The following TAFA2 variants were observed in gnomAD, a reference collection of about 807,000 sequenced individuals.
TAFA2 encodes TAFA chemokine like family member 2.
In TAFA2, 7 loss-of-function variants were observed where a neutral mutation model predicts 18.8. The ratio of observed to expected loss-of-function variants is 0.37; its 90% confidence interval spans 0.21 to 0.70. TAFA2 has a LOEUF of 0.70. TAFA2 is among the 30% of genes least tolerant of loss of function. TAFA2 has a pLI of 0.53. For synonymous variants in TAFA2, 60 were observed against 54.2 expected, an observed-to-expected ratio of 1.11 and a Z score of -0.47; for missense variants, 122 against 158.1, an observed-to-expected ratio of 0.77 and a Z score of 1.23.
chr12:61,765,869 C>T (rs750131599), intron 2 of TAFA2, among the ~76,000 whole-genome samples: 1 of 151,992 alleles, frequency 6.6e-6, no homozygotes, highest in Non-Finnish European at 1.5e-5. Context: ...GATGAGAAAA[C>T]ATAATCCTAA....
At chr12:62,145,418 G>A (rs2136912611) in intron 1 of TAFA2, among the ~76,000 whole-genome samples, 1 of 152,304 alleles carries the variant, frequency 6.6e-6, no homozygotes, top group East Asian at 1.9e-4. Flanking sequence ...GATGATGTGA[G>A]GTGGAAGAGT....
intron 2 of TAFA2, among the ~76,000 whole-genome samples, chr12:61,856,485 G>C (rs988662936): frequency 6.6e-6 from 1 of 152,032 alleles, no homozygotes; most frequent in African/African-American, 2.4e-5. Context: ...ATAAATCTCA[G>C]TGTTGGTAAG....
intron 1 of TAFA2, among the ~76,000 whole-genome samples, chr12:62,106,692 T>C (rs1322957613): frequency 6.6e-6 from 1 of 152,208 alleles, no homozygotes; most frequent in Non-Finnish European, 1.5e-5. Flanking sequence ...CCCTTTAATT[T>C]ACATGAAAAG....
intron 1 of TAFA2, among the ~76,000 whole-genome samples, chr12:62,029,557 G>A (rs1225400695): frequency 6.6e-6 from 1 of 152,000 alleles, no homozygotes; most frequent in Non-Finnish European, 1.5e-5. Context: ...AGATGGCTAA[G>A]TATCAGAAAA....
Position 61,993,414 on chromosome 12 carries a change from T to C in TAFA2, c.-1-125988A>G, listed in dbSNP as rs1019761389. Among the ~76,000 whole-genome samples, 15 of 152,174 alleles carry C rather than the reference T, an allele frequency of 9.9e-5. 1 individual carries two copies. Among genetic ancestry groups the C allele is most frequent in the Admixed American group, 8.5e-4 (13 of 15,276 alleles). On this transcript the variant is annotated intron_variant, in intron 1 of 4. Transcript: ENST00000416284. ...TGTATGTTGGTCTACCCAAACACAA[T>C]TGGGGGCTTTACTATAGAACCTATT...
intron 1 of TAFA2, among the ~76,000 whole-genome samples, chr12:62,105,348 A>G (rs746744362): frequency 6.6e-6 from 1 of 152,220 alleles, no homozygotes; most frequent in Non-Finnish European, 1.5e-5. Flanking sequence ...CAAATTCTTA[A>G]TAAGCCTTTG....
rs144722791 is a variant in TAFA2 at position 62,232,487 on chromosome 12, G to C, written c.-130+26276C>G. 1.8e-3 allele frequency among the ~76,000 whole-genome samples: 276 copies of C among 152,198 alleles called. 1 individual carries two copies. The highest frequency in any genetic ancestry group is 6.5e-3 in the African/African-American group (272 of 41,534). Reference sequence around the variant, plus strand: ...CATAGCCAGGAAATGGCAGAGGCAGGATTCAAAATCTACTAGAGAGTCCAC... The same window carrying C: ...CATAGCCAGGAAATGGCAGAGGCAGCATTCAAAATCTACTAGAGAGTCCAC... On this transcript the variant is annotated intron_variant, in intron 1 of 5. Coordinates refer to the TAFA2 transcript ENST00000551619.
intron 1 of TAFA2, among the ~76,000 whole-genome samples, chr12:61,933,281 C>T (rs1187592532): frequency 1.3e-5 from 2 of 152,280 alleles, no homozygotes; most frequent in East Asian, 3.9e-4. Flanking sequence ...TCTTTAAAAA[C>T]ATCTTTAACA....
chr12:62,170,471 G>A (rs951848157), intron 1 of TAFA2, among the ~76,000 whole-genome samples: 3 of 152,166 alleles, frequency 2.0e-5, no homozygotes, highest in African/African-American at 4.8e-5. Context: ...TCAGGATCTT[G>A]AGATAGATCA....
At chr12:61,943,368 A>T (rs1565690519) in intron 1 of TAFA2, among the ~76,000 whole-genome samples, 1 of 151,514 alleles carries the variant, frequency 6.6e-6, no homozygotes. Flanking sequence ...TGTAAAGATC[A>T]TCGAGACTAG....
intron 1 of TAFA2, among the ~76,000 whole-genome samples, chr12:61,970,338 T>A (rs1879205750): frequency 6.6e-6 from 1 of 151,666 alleles, no homozygotes; most frequent in Non-Finnish European, 1.5e-5. Context: ...TCATATCTGA[T>A]TTTTTTGGTT....
intron 1 of TAFA2, among the ~76,000 whole-genome samples, chr12:62,146,156 T>A (rs938568717): frequency 2.6e-5 from 4 of 152,168 alleles, no homozygotes; most frequent in African/African-American, 9.7e-5. Flanking sequence ...CAAGTTTCTG[T>A]GAAGAGGTTT....
intron 1 of TAFA2, among the ~76,000 whole-genome samples, chr12:62,240,202 T>C (rs896434432): frequency 2.0e-5 from 3 of 152,046 alleles, no homozygotes; most frequent in African/African-American, 7.2e-5. Context: ...GCGGATCACC[T>C]GAGGTCAGGA....
At chr12:62,119,375 G>T (rs1870098605) in intron 1 of TAFA2, among the ~76,000 whole-genome samples, 1 of 150,122 alleles carries the variant, frequency 6.7e-6, no homozygotes, top group Admixed American at 6.7e-5. Flanking sequence ...ACAAGAAGAT[G>T]ATTTCCCCGA....
intron 4 of TAFA2, among the ~76,000 whole-genome samples, chr12:61,743,188 C>G (rs1048951771): frequency 1.3e-5 from 2 of 152,008 alleles, no homozygotes; most frequent in African/African-American, 4.8e-5. Context: ...ATCTTCTATT[C>G]CGTCATGCCT....
chr12:62,063,755 T>A lies in TAFA2; in HGVS notation c.-2+127504A>T, dbSNP rs17125807. Among the ~76,000 whole-genome samples, 1,163 of 152,070 alleles carry A rather than the reference T, an allele frequency of 7.6e-3. 20 individuals are homozygous for A. The highest frequency in any genetic ancestry group is 0.027 in the African/African-American group (1,127 of 41,506). On this transcript the variant is annotated intron_variant, in intron 1 of 4. Transcript: ENST00000416284. ...TACAAATTTCCTATAATCAAAAACC[T>A]TTAAGAGCAAAGCTTAATCATTGTT...
At chr12:62,120,601 C>G (rs1002409079) in intron 1 of TAFA2, among the ~76,000 whole-genome samples, 1 of 152,218 alleles carries the variant, frequency 6.6e-6, no homozygotes, top group East Asian at 1.9e-4. Flanking sequence ...TATGTACAGT[C>G]AAACACAACT....
chr12:62,189,901 T>C (rs1191822811), intron 1 of TAFA2, among the ~76,000 whole-genome samples: 1 of 151,214 alleles, frequency 6.6e-6, no homozygotes, highest in Non-Finnish European at 1.5e-5. Flanking sequence ...CCAAGTACTT[T>C]GGGGACACTT....
intron 1 of TAFA2, among the ~76,000 whole-genome samples, chr12:62,154,623 T>A (rs1430568580): frequency 6.6e-6 from 1 of 152,158 alleles, no homozygotes; most frequent in East Asian, 1.9e-4. Context: ...GTTAAGGAAG[T>A]CAATTTATTT....
Sources: gnomAD v4.1 joint callset for allele counts (sites outside exome capture counted in the v4.1 genomes callset) on GRCh38, gnomAD v4.1.1 for gene constraint, MANE v1.5 for transcripts, NCBI Gene and HGNC (gene_info 2026-07-23, HGNC 2026-07-21) for gene names.